Variants in ABCA6 observed in about 807,000 individuals in gnomAD.
ABCA6 encodes the protein ATP-binding cassette sub-family A member 6.
In ABCA6, 164 loss-of-function variants were observed where a neutral mutation model predicts 191.2. That is an observed-to-expected ratio of 0.86 (90% CI 0.76 to 0.98). ABCA6 has a LOEUF of 0.98. Ranked by LOEUF, ABCA6 falls within the 50% of genes least tolerant of loss-of-function variation. The pLI is 0.00. For synonymous variants in ABCA6, 636 were observed against 647.7 expected (o/e 0.98, Z 0.27); for missense variants, 1,958 against 1,894.1 (o/e 1.03, Z -0.63).
At chr17:69,134,501 T>C (rs1463260083) in intron 5 of ABCA6, 138 bp downstream of exon 5, 2 of 650,304 alleles carry the variant, frequency 3.1e-6, no homozygotes, top group Non-Finnish European at 5.2e-6. Context: ...TAAATTTCTG[T>C]CCTTTACAAA....
intron 20 of ABCA6, 198 bp downstream of exon 20, chr17:69,105,264 C>T: frequency 1.8e-6 from 1 of 562,976 alleles, no homozygotes; most frequent in Non-Finnish European, 3.1e-6. Flanking sequence ...GACCCAAGTT[C>T]TTTTTCTCTT....
At chr17:69,136,603 T>C (rs2073952332) in intron 3 of ABCA6, among the ~76,000 whole-genome samples, 1 of 152,286 alleles carries the variant, frequency 6.6e-6, no homozygotes, top group African/African-American at 2.4e-5. Flanking sequence ...TTATTTCAGA[T>C]TTACTGAAGC....
chr17:69,132,537 G>A (rs562258504), intron 6 of ABCA6, among the ~76,000 whole-genome samples: 1 of 152,290 alleles, frequency 6.6e-6, no homozygotes, highest in Admixed American at 6.5e-5. Context: ...CTGGAGTGCA[G>A]TAGCACGATC....
chr17:69,140,652 T>C lies in ABCA6; in HGVS notation c.52A>G (p.Lys18Glu), dbSNP rs1367974808. Reference sequence around the variant, plus strand: ...ATCCTCCATTTCTTAAGAAAATTCTTGCACAGAAGTGCTTTGGTTTGCTGA... The same window carrying C: ...ATCCTCCATTTCTTAAGAAAATTCTCGCACAGAAGTGCTTTGGTTTGCTGA... ...VYQQTKALLC[K>E]NFLKKWRMKR... Residue 18 changes from lysine (K) to glutamate (E), a missense_variant, in exon 2 of 39, where the codon AAG (lysine) becomes GAG (glutamate). Physicochemically the swap from Lys to Glu is moderately conservative, Grantham distance 56 (BLOSUM62 1). Transcript: ENST00000284425. The C allele has an allele frequency of 3.1e-6, 5 of 1,601,198 alleles. No homozygotes were observed. The highest frequency in any genetic ancestry group is 4.3e-6 in the Non-Finnish European group (5 of 1,174,458).
intron 2 of ABCA6, among the ~76,000 whole-genome samples, chr17:69,139,117 GC>G (rs1469672802): frequency 6.6e-6 from 1 of 152,118 alleles, no homozygotes; most frequent in Non-Finnish European, 1.5e-5. Flanking sequence ...AAACTAAAGA[GC>G]TTCTGCACAG....
Position 69,113,731 on chromosome 17 carries a change from G to A in ABCA6, c.1789C>T (p.Arg597Ter), listed in dbSNP as rs763005107. The A allele has an allele frequency of 3.0e-5, 48 of 1,611,222 alleles. 1 individual carries two copies. The Admixed American group carries it at 4.4e-4, about 15-fold the overall frequency. ...TGCATGTCCAATTCCAATAATATTC[G>A]TTGTACCTATATGAGAAAATACGCA... ...HLKEVEQEVQ[R>*]ILLELDMQNI... The change falls in exon 14 of 39, where the codon CGA becomes TGA. Residue 597 changes from arginine (R) to a stop codon, truncating the protein, a stop_gained. Transcript: ENST00000284425. LOFTEE classifies it high-confidence loss of function.
chr17:69,085,169 C>T lies in ABCA6; in HGVS notation c.4043G>A (p.Gly1348Asp), dbSNP rs140310197. The T allele has an allele frequency of 5.0e-6, 8 of 1,608,228 alleles. No homozygotes were observed. The African/African-American group carries it at 1.1e-4, about 22-fold the overall frequency. The change falls in exon 32 of 39, where the codon GGC (glycine) becomes GAC (aspartate). Residue 1348 changes from glycine (G) to aspartate (D), a missense_variant. Coordinates refer to ENST00000284425, the MANE Select transcript of ABCA6 (RefSeq NM_080284.3). ...CAGGTGGCCCAAAACTGAACTGCAG[C>T]CTTTCAGTTCCACCTAAAAAAATAA... is the stretch of plus-strand genomic sequence containing the variant. The part of the protein sequence containing the change: ...KPTAGEVELK[G>D]CSSVLGHLGY...
chr17:69,086,717 T>C lies in ABCA6; in HGVS notation c.3838A>G (p.Ser1280Gly), dbSNP rs1007694689. 6.2e-7 allele frequency: 1 copy of C among 1,611,776 alleles called. No homozygotes were observed. The highest frequency in any genetic ancestry group is 1.7e-5 in the Admixed American group (1 of 59,882). ...CCTGCATATTCTTTGTGTAGACAGCTGGCAATTATAACAGGTTTCTAGAAG... is the reference window on the plus strand; with the variant it reads ...CCTGCATATTCTTTGTGTAGACAGCCGGCAATTATAACAGGTTTCTAGAAG... ...ILDEKPVIIA[S>G]CLHKEYAGQK... Residue 1280 changes from serine to glycine, a missense_variant, in exon 30 of 39, where the codon AGC (serine) becomes GGC (glycine). Transcript: ENST00000284425.
chr17:69,133,583 T>C, intron 6 of ABCA6, 58 bp downstream of exon 6: 1 of 1,283,998 alleles, frequency 7.8e-7, no homozygotes, highest in Non-Finnish European at 1.1e-6. Context: ...ATAACACTTT[T>C]TCACTGCTTC....
intron 2 of ABCA6, among the ~76,000 whole-genome samples, chr17:69,138,552 A>C (rs1360315055): frequency 1.3e-5 from 2 of 151,924 alleles, no homozygotes. Flanking sequence ...TGCCATCCCC[A>C]TCAAGCTACC....
At chr17:69,140,491 G>A (rs1436530166) in intron 2 of ABCA6, 117 bp downstream of exon 2, 1 of 488,878 alleles carries the variant, frequency 2.0e-6, no homozygotes, top group Non-Finnish European at 3.5e-6. Context: ...CAACTAGAGA[G>A]AACTGGTAAA....
At chr17:69,091,335 C>A (rs539021540) in intron 25 of ABCA6, 73 bp from the exon 26 acceptor site, 2 of 1,504,478 alleles carry the variant, frequency 1.3e-6, no homozygotes, top group South Asian at 1.2e-5. Context: ...ATTTAAGATG[C>A]AGGTGTTCTC....
chr17:69,119,737 T>C (rs1429013173), intron 10 of ABCA6, among the ~76,000 whole-genome samples: 1 of 152,022 alleles, frequency 6.6e-6, no homozygotes, highest in African/African-American at 2.4e-5. Context: ...CACATATACA[T>C]ATATACATGC....
At position 69,081,157 on chromosome 17, in the gene ABCA6, A is replaced by T; in HGVS notation, c.4617-12T>A. 1 of 1,535,204 alleles carries T rather than the reference A, an allele frequency of 6.5e-7. No individual in the cohort carries two copies. Among genetic ancestry groups the T allele is most frequent in the Non-Finnish European group, 8.9e-7 (1 of 1,124,046 alleles). The stretch of plus-strand genomic sequence containing the variant: ...ACAAAGAGGAATACCTGAAAACAGG[A>T]AGATGTCGTTTTCAGCTCTGAGTTT... On this transcript the variant is annotated splice_polypyrimidine_tract_variant and intron_variant, in intron 36 of 38. Coordinates refer to ENST00000284425, the MANE Select transcript of ABCA6 (RefSeq NM_080284.3).
intron 10 of ABCA6, 113 bp from the exon 11 acceptor site, chr17:69,118,069 G>A (rs2073570096): frequency 3.0e-6 from 2 of 676,394 alleles, no homozygotes; most frequent in African/African-American, 1.9e-5. Context: ...TGTGAAATAA[G>A]GGATGGCATA....
intron 21 of ABCA6, among the ~76,000 whole-genome samples, chr17:69,102,073 C>T (rs749220255): frequency 5.3e-5 from 8 of 152,108 alleles, no homozygotes; most frequent in Non-Finnish European, 1.0e-4. Context: ...AAACCGAGCA[C>T]GGTAGCTTAT....
chr17:69,082,665 A>G (rs12942011), intron 36 of ABCA6, among the ~76,000 whole-genome samples: 83,836 of 151,930 alleles, frequency 0.55, 24,362 homozygotes, highest in Non-Finnish European at 0.66. Context: ...TGGGATGGCC[A>G]AGGAGAGTGT....
chr17:69,085,606 G>A lies in ABCA6; in HGVS notation c.4029+19C>T. 6.4e-7 allele frequency: 1 copy of A among 1,563,798 alleles called. No individual in the cohort carries two copies. Among genetic ancestry groups the A allele is most frequent in the Non-Finnish European group, 8.8e-7 (1 of 1,141,530 alleles). ...TCATGAAATTCCTGTTTTGGAAATG[G>A]AAACCATTTCCTCACTACCTCTCCA... On this transcript the variant is annotated intron_variant, in intron 31 of 38. Transcript: ENST00000284425.
At chr17:69,137,212 T>TAACTTCAAATTAATGTGTAGAC (rs1362742685) in intron 3 of ABCA6, 84 bp downstream of exon 3, 135 of 1,315,796 alleles carry the variant, frequency 1.0e-4, no homozygotes, top group Non-Finnish European at 1.4e-4. Flanking sequence ...TATATGACTT[T>TAACTTCAAATTAATGTGTAGAC]AACTTCAAAT....
Sources: allele counts gnomAD v4.1 joint callset (sites outside exome capture counted in the v4.1 genomes callset), GRCh38; gene constraint gnomAD v4.1.1; transcripts MANE v1.5; gene names NCBI Gene and HGNC (gene_info 2026-07-23, HGNC 2026-07-21).